MAML3: variants seen among roughly 807,000 people sequenced by gnomAD.
MAML3 encodes mastermind-like protein 3.
Under a neutral mutation model 101.9 loss-of-function variants are expected in MAML3, and 27 were observed. The ratio of observed to expected loss-of-function variants is 0.27; its 90% CI spans 0.20 to 0.37. The LOEUF (loss-of-function observed/expected upper bound fraction) is 0.37, where lower values mean the gene tolerates loss of function less well. Among genes scored for constraint, MAML3 ranks in the 10% least tolerant of loss-of-function variants. MAML3 has a pLI of 1.00. For missense variants in MAML3, 1,316 were observed against 1,444.9 expected, an observed-to-expected ratio of 0.91 and a Z score of 1.45; for synonymous variants, 501 against 555.9, an observed-to-expected ratio of 0.90 and a Z score of 1.39.
At chr4:140,069,652 G>A (rs946963080) in intron 1 of MAML3, among the ~76,000 whole-genome samples, 1 of 149,660 alleles carries the variant, frequency 6.7e-6, no homozygotes, top group Non-Finnish European at 1.5e-5. Context: ...GAAGGAGGAG[G>A]AGAAGGAGAA....
chr4:140,047,727 A>G (rs1727205258), intron 1 of MAML3, among the ~76,000 whole-genome samples: 1 of 102,486 alleles, frequency 9.8e-6, no homozygotes, highest in Non-Finnish European at 1.8e-5. Context: ...CCCCACCCCC[A>G]AAATGGGCAC....
intron 1 of MAML3, among the ~76,000 whole-genome samples, chr4:139,965,048 A>G (rs1280569959): frequency 2.0e-5 from 3 of 152,206 alleles, no homozygotes; most frequent in African/African-American, 4.8e-5. Flanking sequence ...GACATAAAAC[A>G]TTGTTGTTTT....
intron 1 of MAML3, among the ~76,000 whole-genome samples, chr4:139,994,101 T>G (rs1257642237): frequency 1.3e-5 from 2 of 152,224 alleles, no homozygotes; most frequent in African/African-American, 2.4e-5. Context: ...GTTTTCTCCA[T>G]TGTATTGTCT....
At position 139,929,291 on chromosome 4, in the gene MAML3, G is replaced by GA. The variant is rs1257547018; in HGVS notation, c.469-38325dup. Among the ~76,000 whole-genome samples the GA allele has an allele frequency of 3.9e-5, 6 of 152,306 alleles. No individual in the cohort carries two copies. The East Asian group carries it at 9.6e-4, about 24-fold the overall frequency. ...AGAAAACTACACTAAAAAGCAAAAT[G>GA]AAATTTCTAGATGGCAATGAAATTG... On this transcript the variant is annotated intron_variant, in intron 1 of 4. Transcript: ENST00000509479.
chr4:140,017,781 G>GCAGCT (rs1553969075), intron 1 of MAML3, among the ~76,000 whole-genome samples: 4 of 149,784 alleles, frequency 2.7e-5, no homozygotes, highest in South Asian at 2.1e-4. Flanking sequence ...AAGGGGGATA[G>GCAGCT]AGGAAAAATA....
At chr4:140,036,995 C>A in intron 1 of MAML3, among the ~76,000 whole-genome samples, 1 of 152,130 alleles carries the variant, frequency 6.6e-6, no homozygotes, top group East Asian at 1.9e-4. Context: ...TTATATCAGA[C>A]TGATATTGTC....
At chr4:139,962,975 ATTTT>A (rs527462614) in intron 1 of MAML3, among the ~76,000 whole-genome samples, 3 of 150,634 alleles carry the variant, frequency 2.0e-5, no homozygotes, top group Non-Finnish European at 4.4e-5. Context: ...AATAAAACTG[ATTTT>A]TTTTTTAACC....
chr4:139,720,401 T>C (rs1560767413), intron 4 of MAML3, 78 bp from the exon 5 acceptor site: 1 of 1,343,088 alleles, frequency 7.4e-7, no homozygotes. Context: ...GGAATTTTCT[T>C]TGGGAATGAC....
intron 1 of MAML3, among the ~76,000 whole-genome samples, chr4:139,941,123 A>T (rs956081118): frequency 6.6e-6 from 1 of 152,244 alleles, no homozygotes; most frequent in African/African-American, 2.4e-5. Context: ...TTTTCATAAA[A>T]ACATGCTGCT....
intron 1 of MAML3, among the ~76,000 whole-genome samples, chr4:140,048,779 A>G (rs1727221723): frequency 6.6e-6 from 1 of 152,188 alleles, no homozygotes; most frequent in Non-Finnish European, 1.5e-5. Flanking sequence ...AATCCCCTTT[A>G]TAAATATTCC....
intron 2 of MAML3, among the ~76,000 whole-genome samples, chr4:139,855,896 T>A (rs1473260702): frequency 6.6e-6 from 1 of 152,208 alleles, no homozygotes; most frequent in Non-Finnish European, 1.5e-5. Context: ...ATAAAAATTG[T>A]TCTATTCCAA....
Position 139,812,246 on chromosome 4 carries a change from C to CA in MAML3, c.2079+77110dup, listed in dbSNP as rs550480733. ...TATCCACCAGAGCAAGACTCTGTCT[C>CA]AAAAAAAAGAAAATCTTAAAGAGTC... On this transcript the variant is annotated intron_variant, in intron 2 of 4. Coordinates refer to ENST00000509479, the MANE Select transcript of MAML3 (RefSeq NM_018717.5). 8.1e-4 allele frequency among the ~76,000 whole-genome samples: 123 copies of CA among 151,704 alleles called. 1 individual carries two copies. The highest frequency in any genetic ancestry group is 2.8e-3 in the African/African-American group (115 of 41,350).
At chr4:139,781,257 C>T (rs1380053285) in intron 2 of MAML3, among the ~76,000 whole-genome samples, 1 of 152,098 alleles carries the variant, frequency 6.6e-6, no homozygotes, top group African/African-American at 2.4e-5. Flanking sequence ...CCCACGTTTT[C>T]CTATTTGGAT....
At chr4:140,008,094 C>T (rs541971452) in intron 1 of MAML3, among the ~76,000 whole-genome samples, 1 of 152,318 alleles carries the variant, frequency 6.6e-6, no homozygotes, top group Non-Finnish European at 1.5e-5. Flanking sequence ...CCTGTAATCC[C>T]AGCACTTTGG....
intron 1 of MAML3, among the ~76,000 whole-genome samples, chr4:139,956,680 G>A (rs1292402433): frequency 2.0e-5 from 3 of 152,184 alleles, no homozygotes; most frequent in Non-Finnish European, 4.4e-5. Flanking sequence ...GATGGGGAGC[G>A]ATATACATTC....
chr4:139,801,027 G>GC (rs991396513), intron 2 of MAML3, among the ~76,000 whole-genome samples: 2 of 152,232 alleles, frequency 1.3e-5, no homozygotes, highest in Non-Finnish European at 2.9e-5. Context: ...GGCTTCAGAT[G>GC]CCTGGATTGG....
In MAML3 at chr4:139,785,962, C is replaced by T. The variant is rs1422789478; in HGVS notation, c.2080-55295G>A. 6.6e-6 allele frequency among the ~76,000 whole-genome samples: 1 copy of T among 152,034 alleles called. No individual in the cohort carries two copies. The highest frequency in any genetic ancestry group is 1.5e-5 in the Non-Finnish European group (1 of 68,012). Reference sequence around the variant, plus strand: ...CTGAATTGTGTCTCCCACCAAAATTCATATGTTGAAGTCCTAACCCCCAAT... The same window carrying T: ...CTGAATTGTGTCTCCCACCAAAATTTATATGTTGAAGTCCTAACCCCCAAT... On this transcript the variant is annotated intron_variant, in intron 2 of 4. Transcript: ENST00000509479. This position sits in a 1 kb window ranked among gnomAD's most constrained non-coding sequence, Gnocchi z 4.3.
At chr4:139,744,427 T>C (rs1356098001) in intron 2 of MAML3, among the ~76,000 whole-genome samples, 1 of 151,960 alleles carries the variant, frequency 6.6e-6, no homozygotes, top group Non-Finnish European at 1.5e-5. Flanking sequence ...GGAGCATGGG[T>C]TGTGGTTATA....
intron 1 of MAML3, among the ~76,000 whole-genome samples, chr4:140,087,437 G>A (rs1727971723): frequency 6.6e-6 from 1 of 152,218 alleles, no homozygotes; most frequent in Non-Finnish European, 1.5e-5. Context: ...ATGCTACCAT[G>A]AGAAACTTTA....
Sources: allele counts gnomAD v4.1 joint callset (sites outside exome capture counted in the v4.1 genomes callset), GRCh38; gene constraint gnomAD v4.1.1; non-coding constraint Gnocchi (gnomAD v3.1); transcripts MANE v1.5; gene names NCBI Gene and HGNC (gene_info 2026-07-23, HGNC 2026-07-21).